Variants in RBM41 observed in about 807,000 individuals in gnomAD.
The protein encoded by RBM41 is RNA binding motif protein 41.
A neutral mutation model predicts 30.8 loss-of-function variants in RBM41; 14 were observed. The ratio of observed to expected loss-of-function variants is 0.45; its 90% CI spans 0.30 to 0.71. The LOEUF (loss-of-function observed/expected upper bound fraction) is 0.71, where lower values mean the gene tolerates loss of function less well. RBM41 is among the 30% of genes least tolerant of loss of function. The pLI, the probability that RBM41 is intolerant of heterozygous loss-of-function variation, is 0.08. For missense variants in RBM41, 276 were observed against 326.3 expected (o/e 0.85, Z 1.19); for synonymous variants, 120 against 110.1 (o/e 1.09, Z -0.56).
At chrX:107,110,144 A>C (rs997694168) in intron 5 of RBM41, among the ~76,000 whole-genome samples, 7 of 104,906 alleles carry the variant, frequency 6.7e-5, no homozygotes, top group African/African-American at 2.4e-4. Flanking sequence ...ATTTGAAGCC[A>C]AAAAAAAAAA....
At chrX:107,099,629 A>G (rs1436896915) in intron 5 of RBM41, among the ~76,000 whole-genome samples, 4 of 110,688 alleles carry the variant, frequency 3.6e-5, no homozygotes, top group Non-Finnish European at 7.6e-5. Context: ...AATGAAATTA[A>G]AACCACAATG....
chrX:107,105,067 G>A (rs1401357820), intron 5 of RBM41, among the ~76,000 whole-genome samples: 1 of 110,862 alleles, frequency 9.0e-6, no homozygotes, highest in East Asian at 2.8e-4. Flanking sequence ...AGGAAAAGAG[G>A]AAGTCAAATT....
intron 6 of RBM41, among the ~76,000 whole-genome samples, chrX:107,084,134 C>CA (rs60197903): frequency 0.15 from 9,881 of 66,091 alleles, 803 homozygotes; most frequent in African/African-American, 0.27. Flanking sequence ...TTTGGATTTA[C>CA]AAAAAAAAAA....
At chrX:107,118,724 A>G in intron 1 of RBM41, 42 bp downstream of exon 1, 2 of 1,210,379 alleles carry the variant, frequency 1.7e-6, no homozygotes, top group Non-Finnish European at 2.2e-6. Flanking sequence ...AAAAGGTAGA[A>G]CAAAGCTCCC....
chrX:107,095,035 C>A (rs1482593665), intron 5 of RBM41, among the ~76,000 whole-genome samples: 2 of 108,605 alleles, frequency 1.8e-5, no homozygotes, highest in African/African-American at 6.8e-5. Context: ...TAAGATCATA[C>A]TTAATGGTTA....
rs1935707513 is a variant in RBM41 at position 107,063,223 on chromosome X, G to A, written c.*4304C>T. On this transcript the variant is annotated 3_prime_UTR_variant, in exon 8 of 8. Transcript: ENST00000685964. ...AGCCCTTCCCATTCCCCCCAACTCT[G>A]TGCTAGCCCTAAGCAACCACTAATC... 9.1e-6 allele frequency among the ~76,000 whole-genome samples: 1 copy of A among 109,390 alleles called. No individual in the cohort carries two copies. The highest frequency in any genetic ancestry group is 4.0e-4 in the South Asian group (1 of 2,520). The allele number at this position is 109,390 out of a possible 115,157, so 95.0% of individuals were successfully genotyped here.
chrX:107,079,149 A>C (rs1397078785), intron 6 of RBM41, among the ~76,000 whole-genome samples: 1 of 111,778 alleles, frequency 8.9e-6, no homozygotes, highest in East Asian at 2.8e-4. Context: ...CATCTCACAG[A>C]ATAAAAAATA....
In RBM41 at chrX:107,067,394, G is replaced by A. The variant is rs1007975151; in HGVS notation, c.*133C>T. On this transcript the variant is annotated 3_prime_UTR_variant, in exon 8 of 8. Coordinates refer to ENST00000685964, the MANE Select transcript of RBM41 (RefSeq NM_001324242.2). ...TTTCTACCAGTTCTCTCCAAAAGCT[G>A]AAATTACTTTTTTCCCCTCCCTCAG... The A allele has an allele frequency of 3.2e-5, 35 of 1,091,553 alleles. No homozygotes were observed. The highest frequency in any genetic ancestry group is 4.0e-5 in the Non-Finnish European group (34 of 841,089). 90.0% of individuals were successfully genotyped at this position (1,091,553 alleles called of 1,213,427 possible).
the RBM41 span, among the ~76,000 whole-genome samples, chrX:107,056,867 T>C: frequency 9.8e-6 from 1 of 102,177 alleles, no homozygotes; most frequent in Non-Finnish European, 2.0e-5. Context: ...ATTTCATTTA[T>C]CTTAACTATT....
At chrX:107,073,109 A>G (rs1243576265) in intron 6 of RBM41, among the ~76,000 whole-genome samples, 2 of 112,067 alleles carry the variant, frequency 1.8e-5, no homozygotes, top group African/African-American at 3.2e-5. Flanking sequence ...TAAGACCTCA[A>G]AAGCACAGGC....
At position 107,118,623 on chromosome X, in the gene RBM41, G is replaced by A; in HGVS notation, c.8+143C>T. On this transcript the variant is annotated intron_variant, in intron 1 of 7. Coordinates refer to ENST00000685964, the MANE Select transcript of RBM41 (RefSeq NM_001324242.2). The stretch of plus-strand genomic sequence containing the variant: ...TGTTCAGCCCGTCTCCCCTCCTCCC[G>A]TCTCCTTTGTCGTGTTCCCGCTCCC... 9.0e-6 allele frequency: 7 copies of A among 774,525 alleles called. No homozygotes were observed. The South Asian group carries it at 1.2e-4, about 13-fold the overall frequency. The allele number at this position is 774,525 out of a possible 1,213,427, so 63.8% of individuals were successfully genotyped here.
intron 5 of RBM41, among the ~76,000 whole-genome samples, chrX:107,096,394 T>C (rs1034295133): frequency 9.8e-5 from 11 of 112,203 alleles, no homozygotes; most frequent in African/African-American, 3.6e-4. Context: ...TAAAAAGATT[T>C]AGAGTATAAG....
rs1244575274 is a variant in RBM41, at chrX:107,062,509, C to T, written c.*5018G>A. Among the ~76,000 whole-genome samples the T allele has an allele frequency of 2.7e-5, 3 of 111,092 alleles. No homozygotes were observed. Among genetic ancestry groups the T allele is most frequent in the African/African-American group, 6.6e-5 (2 of 30,520 alleles). ...CTATGTCTGAAATTAGAGTGTTAAT[C>T]CTAAGTGAGCAGTATATCAAAGGAA... On this transcript the variant is annotated 3_prime_UTR_variant, in exon 8 of 8. Transcript: ENST00000685964.
intron 6 of RBM41, 89 bp from the exon 7 acceptor site, chrX:107,069,491 G>A: frequency 9.8e-7 from 1 of 1,025,317 alleles, no homozygotes; most frequent in Non-Finnish European, 1.3e-6. Context: ...GTCTCACTCT[G>A]TCACCCAGGC....
intron 6 of RBM41, chrX:107,070,323 G>A: frequency 3.0e-6 from 1 of 331,651 alleles, no homozygotes; most frequent in Non-Finnish European, 5.9e-6. Context: ...AATACTAAAT[G>A]TTGAGGTCCT....
intron 6 of RBM41, among the ~76,000 whole-genome samples, chrX:107,076,889 A>ATAAC (rs1364652713): frequency 4.5e-5 from 5 of 111,840 alleles, no homozygotes; most frequent in Non-Finnish European, 9.4e-5. Flanking sequence ...GTATAAATAA[A>ATAAC]TAAATATTGT....
chrX:107,104,778 T>C (rs1440045719), intron 5 of RBM41, among the ~76,000 whole-genome samples: 1 of 111,578 alleles, frequency 9.0e-6, no homozygotes, highest in Non-Finnish European at 1.9e-5. Context: ...CTTTTTGATG[T>C]GCTGCTGGAT....
chrX:107,078,893 A>C (rs933948994), intron 6 of RBM41, among the ~76,000 whole-genome samples: 4 of 110,923 alleles, frequency 3.6e-5, no homozygotes, highest in East Asian at 2.8e-4. Flanking sequence ...CAAAAAAAAA[A>C]ACATAAAATC....
At chrX:107,076,353 AAATAAATAAAT>A (rs1936227251) in intron 6 of RBM41, among the ~76,000 whole-genome samples, 1 of 106,552 alleles carries the variant, frequency 9.4e-6, no homozygotes, top group Non-Finnish European at 1.9e-5. Flanking sequence ...ATAAATAAAT[AAATAAATAAAT>A]AAAATACAAT....
Sources: allele counts gnomAD v4.1 joint callset (sites outside exome capture counted in the v4.1 genomes callset), GRCh38; gene constraint gnomAD v4.1.1; transcripts MANE v1.5; gene names NCBI Gene and HGNC (gene_info 2026-07-23, HGNC 2026-07-21).